LDB2: variants seen among roughly 807,000 people sequenced by gnomAD.
The protein encoded by LDB2 is LIM domain binding 2, also known as LIM domain-binding protein 2.
A neutral mutation model predicts 44.3 loss-of-function variants in LDB2; 12 were observed. The ratio of observed to expected loss-of-function variants is 0.27; its 90% confidence interval spans 0.17 to 0.44. The LOEUF (loss-of-function observed/expected upper bound fraction) is 0.44, where lower values mean the gene tolerates loss of function less well. LDB2 is among the 20% of genes least tolerant of loss of function. LDB2 has a pLI of 1.00. For synonymous variants in LDB2, 164 were observed against 174.8 expected, an observed-to-expected ratio of 0.94 and a Z score of 0.49; for missense variants, 344 against 473.5, an observed-to-expected ratio of 0.73 and a Z score of 2.54.
At chr4:16,887,860 T>C (rs903562291) in intron 1 of LDB2, among the ~76,000 whole-genome samples, 4 of 152,108 alleles carry the variant, frequency 2.6e-5, no homozygotes, top group Non-Finnish European at 5.9e-5. Flanking sequence ...AGAATTCCTA[T>C]TGAATTCTTC....
At chr4:16,568,540 AT>A (rs1336210182) in intron 5 of LDB2, among the ~76,000 whole-genome samples, 1 of 152,142 alleles carries the variant, frequency 6.6e-6, no homozygotes, top group Non-Finnish European at 1.5e-5. Context: ...CCCGAAACCC[AT>A]TTTACAGAAG....
chr4:16,579,302 A>G (rs569481610), intron 5 of LDB2, among the ~76,000 whole-genome samples: 1 of 152,280 alleles, frequency 6.6e-6, no homozygotes, highest in Non-Finnish European at 1.5e-5. Flanking sequence ...AAATATATAC[A>G]CCTACTATGT....
intron 5 of LDB2, among the ~76,000 whole-genome samples, chr4:16,562,138 C>T (rs1009791432): frequency 6.6e-6 from 1 of 152,150 alleles, no homozygotes; most frequent in Non-Finnish European, 1.5e-5. Flanking sequence ...CTAGGCATTA[C>T]CATTCAGGAC....
intron 2 of LDB2, among the ~76,000 whole-genome samples, chr4:16,736,557 A>C (rs953487585): frequency 1.5e-4 from 23 of 152,172 alleles, no homozygotes; most frequent in African/African-American, 5.6e-4. Context: ...GAAACATATT[A>C]AATTTAGTAC....
intron 2 of LDB2, among the ~76,000 whole-genome samples, chr4:16,638,251 T>TACGCAAAG (rs1353077305): frequency 2.6e-5 from 4 of 152,118 alleles, no homozygotes; most frequent in African/African-American, 9.7e-5. Context: ...GCCCCACACT[T>TACGCAAAG]TCACTTGGTA....
chr4:16,545,355 C>T (rs1203596847), intron 5 of LDB2, among the ~76,000 whole-genome samples: 1 of 152,138 alleles, frequency 6.6e-6, no homozygotes, highest in Non-Finnish European at 1.5e-5. Flanking sequence ...AAAGACATAG[C>T]AGATAAAGAG....
chr4:16,557,028 A>C (rs1739880435), intron 5 of LDB2, among the ~76,000 whole-genome samples: 1 of 152,224 alleles, frequency 6.6e-6, no homozygotes, highest in South Asian at 2.1e-4. Flanking sequence ...AACTGTGGCC[A>C]TACTTTCCTT....
chr4:16,895,057 A>T (rs1724530423), intron 1 of LDB2, among the ~76,000 whole-genome samples: 1 of 151,590 alleles, frequency 6.6e-6, no homozygotes, highest in African/African-American at 2.4e-5. Context: ...TGTGATTTTG[A>T]ACTAAATACC....
At chr4:16,667,307 G>A (rs993112192) in intron 2 of LDB2, among the ~76,000 whole-genome samples, 3 of 152,188 alleles carry the variant, frequency 2.0e-5, no homozygotes, top group African/African-American at 7.2e-5. Flanking sequence ...AAGTGAGCGT[G>A]TGCAGAGTCC....
intron 5 of LDB2, among the ~76,000 whole-genome samples, chr4:16,563,597 C>G (rs1461066994): frequency 4.6e-5 from 7 of 150,790 alleles, no homozygotes; most frequent in Non-Finnish European, 1.0e-4. Flanking sequence ...TACAGGTGCC[C>G]ACCACCACGC....
chr4:16,787,694 C>T (rs1221935877), intron 1 of LDB2, among the ~76,000 whole-genome samples: 1 of 152,190 alleles, frequency 6.6e-6, no homozygotes, highest in African/African-American at 2.4e-5. Context: ...GGGGGCAAAA[C>T]TTCCTTCAAA....
chr4:16,714,860 A>G (rs753490057), intron 2 of LDB2, among the ~76,000 whole-genome samples: 1 of 151,796 alleles, frequency 6.6e-6, no homozygotes, highest in African/African-American at 2.4e-5. Flanking sequence ...CATGCCACAC[A>G]ATATCCTCTC....
chr4:16,545,740 T>C (rs977873713), intron 5 of LDB2, among the ~76,000 whole-genome samples: 8 of 152,148 alleles, frequency 5.3e-5, no homozygotes, highest in Non-Finnish European at 1.0e-4. Flanking sequence ...ACAAATAAAA[T>C]AGCTAATGAG....
At chr4:16,741,460 TC>T (rs1169167578) in intron 2 of LDB2, 2 of 152,186 alleles carry the variant, frequency 1.3e-5, no homozygotes, top group African/African-American at 4.8e-5. Flanking sequence ...GTGCCACATG[TC>T]ACTGGCACAG....
intron 2 of LDB2, among the ~76,000 whole-genome samples, chr4:16,705,388 T>C (rs1754380319): frequency 6.6e-6 from 1 of 152,118 alleles, no homozygotes; most frequent in South Asian, 2.1e-4. Flanking sequence ...GGAAAGTGGA[T>C]AGAAGTGAGC....
intron 2 of LDB2, among the ~76,000 whole-genome samples, chr4:16,718,521 T>G (rs1757562907): frequency 6.6e-6 from 1 of 152,112 alleles, no homozygotes. Flanking sequence ...ACAAATTGAG[T>G]CAGCCAACCT....
At chr4:16,811,502 G>A (rs557949036) in intron 1 of LDB2, among the ~76,000 whole-genome samples, 103 of 152,218 alleles carry the variant, frequency 6.8e-4, no homozygotes, top group Non-Finnish European at 1.1e-3. Context: ...CATTCAACTT[G>A]AAATAAACCT....
At chr4:16,872,216 A>AG (rs1716910604) in intron 1 of LDB2, among the ~76,000 whole-genome samples, 1 of 152,134 alleles carries the variant, frequency 6.6e-6, no homozygotes, top group African/African-American at 2.4e-5. Context: ...GTCTCTACTC[A>AG]GGGACATCTT....
intron 5 of LDB2, among the ~76,000 whole-genome samples, chr4:16,557,558 G>C (rs1252238336): frequency 6.6e-6 from 1 of 152,224 alleles, no homozygotes; most frequent in Non-Finnish European, 1.5e-5. Context: ...AAAGCAGCCG[G>C]GAAGCTCAAA....
Sources: gnomAD v4.1 joint callset for allele counts (sites outside exome capture counted in the v4.1 genomes callset) on GRCh38, gnomAD v4.1.1 for gene constraint, MANE v1.5 for transcripts, NCBI Gene and HGNC (gene_info 2026-07-23, HGNC 2026-07-21) for gene names.